The following TDRD1 variants were observed in gnomAD, a reference collection of about 807,000 sequenced individuals.
TDRD1 encodes tudor domain containing 1, also known as tudor domain-containing protein 1.
Under a neutral mutation model 140.6 loss-of-function variants are expected in TDRD1, and 37 were observed. That is an observed-to-expected ratio of 0.26 (90% confidence interval 0.20 to 0.35). The LOEUF is 0.35. Among genes scored for constraint, TDRD1 ranks in the 10% least tolerant of loss-of-function variants. The pLI is 1.00. For synonymous variants in TDRD1, 506 were observed against 475.7 expected (o/e 1.06, Z -0.83); for missense variants, 1,243 against 1,393.0 (o/e 0.89, Z 1.71).
chr10:114,218,360 CAA>C, intron 17 of TDRD1, 52 bp from the exon 18 acceptor site: 11 of 1,263,786 alleles, frequency 8.7e-6, no homozygotes, highest in Non-Finnish European at 1.0e-5. Context: ...ATAAGTATTT[CAA>C]GTGTCGATAG....
At chr10:114,208,241 T>G (rs2133037960) in intron 11 of TDRD1, among the ~76,000 whole-genome samples, 1 of 152,042 alleles carries the variant, frequency 6.6e-6, no homozygotes, top group East Asian at 1.9e-4. Context: ...TGTTAAGGGG[T>G]TTGGACATGA....
intron 3 of TDRD1, among the ~76,000 whole-genome samples, chr10:114,197,492 G>T (rs1248942367): frequency 2.6e-5 from 4 of 151,288 alleles, no homozygotes; most frequent in African/African-American, 9.7e-5. Flanking sequence ...TTAACATATT[G>T]ATGACTGCTT....
intron 6 of TDRD1, 146 bp from the exon 7 acceptor site, chr10:114,202,924 ACT>A: frequency 1.6e-6 from 1 of 642,666 alleles, no homozygotes; most frequent in Admixed American, 2.8e-5. Flanking sequence ...GGTTTTAGTG[ACT>A]CTTGGAGGCC....
chr10:114,230,568 A>T (rs751310809), intron 25 of TDRD1, among the ~76,000 whole-genome samples: 1 of 152,210 alleles, frequency 6.6e-6, no homozygotes, highest in African/African-American at 2.4e-5. Context: ...CTTACGACTT[A>T]AAACAGTTGT....
chr10:114,180,986 A>G (rs2033011366), intron 1 of TDRD1, among the ~76,000 whole-genome samples: 1 of 152,204 alleles, frequency 6.6e-6, no homozygotes, highest in South Asian at 2.1e-4. Flanking sequence ...AACATCAGGG[A>G]GAACCGATAG....
At chr10:114,206,261 G>T (rs145176718) in exon 11 of TDRD1, 3 of 1,613,334 alleles carry the variant, frequency 1.9e-6, no homozygotes, top group Non-Finnish European at 1.7e-6. Context: ...TTTAGACCAT[G>T]TGCTTATAGA....
chr10:114,185,003 A>C (rs1265919890), intron 1 of TDRD1, among the ~76,000 whole-genome samples: 1 of 152,172 alleles, frequency 6.6e-6, no homozygotes, highest in Non-Finnish European at 1.5e-5. Flanking sequence ...AGTCCCAATT[A>C]GGTCAAGTTT....
chr10:114,179,229 G>GCACATTGAGTTGCACGTGGA (rs2032812823), upstream of TDRD1: 1 of 152,344 alleles, frequency 6.6e-6, no homozygotes, highest in Non-Finnish European at 1.5e-5. Flanking sequence ...GAACACGTGG[G>GCACATTGAGTTGCACGTGGA]CACATTGAGT....
chr10:114,199,237 T>G, exon 4 of TDRD1: 1 of 1,614,114 alleles, frequency 6.2e-7, no homozygotes. Context: ...GAGAATTCCT[T>G]GTCCATAAGT....
chr10:114,221,530 G>A (rs1381607582), intron 20 of TDRD1, 54 bp downstream of exon 20: 15 of 1,536,660 alleles, frequency 9.8e-6, no homozygotes, highest in Non-Finnish European at 1.2e-5. Context: ...ACTGTAAAAC[G>A]AAAGTGCTGG....
intron 2 of TDRD1, among the ~76,000 whole-genome samples, chr10:114,188,712 C>A (rs566945912): frequency 6.6e-6 from 1 of 151,928 alleles, no homozygotes; most frequent in South Asian, 2.1e-4. Flanking sequence ...CAGAAACTAG[C>A]CGGGCGTGGT....
intron 16 of TDRD1, 24 bp from the exon 17 acceptor site, chr10:114,217,521 T>G (rs1416402099): frequency 3.2e-6 from 4 of 1,257,170 alleles, no homozygotes; most frequent in Admixed American, 4.7e-5. Context: ...GTTCTTAATT[T>G]TTTAATCCTA....
chr10:114,202,430 C>A, intron 6 of TDRD1, 132 bp downstream of exon 6: 1 of 572,670 alleles, frequency 1.7e-6, no homozygotes, highest in Non-Finnish European at 2.9e-6. Flanking sequence ...TAAATATGTA[C>A]ACCATAGTGA....
Position 114,202,364 on chromosome 10 carries a change from T to G in TDRD1, c.696+66T>G, listed in dbSNP as rs912712428. The stretch of plus-strand genomic sequence containing the variant: ...TTATTGAATTAAGATGTAAGATAAA[T>G]ATTTTAGGCTTATTTCTGTATTTTA... On this transcript the variant is annotated intron_variant, in intron 6 of 25. Transcript: ENST00000251864. The G allele has an allele frequency of 5.3e-6, 6 of 1,129,382 alleles. No homozygotes were observed. In the East Asian group the frequency reaches 1.3e-4, roughly 24 times the overall value. 70.0% of individuals were successfully genotyped at this position (1,129,382 alleles called of 1,614,324 possible).
At chr10:114,180,517 G>A (rs575278282) in intron 1 of TDRD1, among the ~76,000 whole-genome samples, 1 of 152,182 alleles carries the variant, frequency 6.6e-6, no homozygotes, top group African/African-American at 2.4e-5. Context: ...CCAGGCTGGA[G>A]TGCAATGGCG....
At chr10:114,204,204 G>A (rs777278914) in exon 9 of TDRD1, 1 of 1,587,754 alleles carries the variant, frequency 6.3e-7, no homozygotes, top group Non-Finnish European at 8.5e-7. Flanking sequence ...ACATTGACTT[G>A]TTTCCTCCTT....
intron 21 of TDRD1, among the ~76,000 whole-genome samples, chr10:114,223,251 G>A (rs1044918173): frequency 5.3e-5 from 8 of 152,240 alleles, no homozygotes; most frequent in Non-Finnish European, 7.3e-5. Flanking sequence ...TGGCAGGCAA[G>A]CATGGCTCCT....
intron 18 of TDRD1, 90 bp from the exon 19 acceptor site, chr10:114,220,478 A>G (rs2036072597): frequency 2.4e-6 from 2 of 849,566 alleles, no homozygotes; most frequent in Non-Finnish European, 3.8e-6. Context: ...ACCTGAAAGT[A>G]AACTTGGCAA....
intron 1 of TDRD1, among the ~76,000 whole-genome samples, chr10:114,185,981 G>A (rs542430978): frequency 6.6e-6 from 1 of 152,078 alleles, no homozygotes. Context: ...TGTGCCTTTT[G>A]TGCCTAACAT....
Sources: allele counts gnomAD v4.1 joint callset (sites outside exome capture counted in the v4.1 genomes callset), GRCh38; gene constraint gnomAD v4.1.1; transcripts MANE v1.5; gene names NCBI Gene and HGNC (gene_info 2026-07-23, HGNC 2026-07-21).